Variants in BICDL1 observed in about 807,000 individuals in gnomAD.
BICDL1 encodes BICD family like cargo adaptor 1.
A neutral mutation model predicts 76.8 loss-of-function variants in BICDL1; 20 were observed. The ratio of observed to expected loss-of-function variants is 0.26; its 90% confidence interval spans 0.18 to 0.38. BICDL1 has a LOEUF of 0.38. BICDL1 is among the 10% of genes least tolerant of loss of function. The pLI is 1.00. For missense variants in BICDL1, 700 were observed against 798.6 expected, an observed-to-expected ratio of 0.88 and a Z score of 1.49; for synonymous variants, 383 against 337.1, an observed-to-expected ratio of 1.14 and a Z score of -1.49.
At chr12:119,993,621 T>G (rs1036987991) in intron 1 of BICDL1, among the ~76,000 whole-genome samples, 1 of 143,424 alleles carries the variant, frequency 7.0e-6, no homozygotes, top group African/African-American at 2.5e-5. Flanking sequence ...AGTTGTTTCT[T>G]TTTTTTTTTT....
chr12:120,080,512 G>A (rs557600484), intron 7 of BICDL1, among the ~76,000 whole-genome samples: 10 of 152,200 alleles, frequency 6.6e-5, no homozygotes, highest in Middle Eastern at 3.4e-3. Flanking sequence ...GAAAGGGAAC[G>A]GGATTCCCTA....
At chr12:120,031,196 C>A (rs1952414987) in intron 2 of BICDL1, among the ~76,000 whole-genome samples, 1 of 147,664 alleles carries the variant, frequency 6.8e-6, no homozygotes, top group Non-Finnish European at 1.5e-5. Context: ...TTATAATTAA[C>A]ATGTTCCTTT....
chr12:120,092,828 C>T (rs897834611), intron 9 of BICDL1, 172 bp from the exon 10 acceptor site: 1 of 985,458 alleles, frequency 1.0e-6, no homozygotes, highest in Non-Finnish European at 1.2e-6. Flanking sequence ...CTGCGTGCGC[C>T]TGGTGTCTTG....
chr12:120,060,090 T>C (rs76353928), intron 2 of BICDL1, among the ~76,000 whole-genome samples: 1 of 152,152 alleles, frequency 6.6e-6, no homozygotes, highest in Non-Finnish European at 1.5e-5. Flanking sequence ...GCCGATTTCC[T>C]TGTTAATTGG....
intron 9 of BICDL1, 64 bp downstream of exon 9, chr12:120,090,135 G>C (rs893388587): frequency 7.6e-6 from 12 of 1,581,368 alleles, no homozygotes; most frequent in Non-Finnish European, 1.0e-5. Context: ...AACCCAGGCA[G>C]AGTGTAAGGA....
chr12:120,056,217 A>C (rs1240157600), intron 2 of BICDL1, among the ~76,000 whole-genome samples: 2 of 152,200 alleles, frequency 1.3e-5, no homozygotes, highest in Non-Finnish European at 2.9e-5. Flanking sequence ...TACTCTGAAC[A>C]GTTGTAACTT....
At chr12:120,030,908 A>G (rs1442982835) in intron 2 of BICDL1, among the ~76,000 whole-genome samples, 1 of 152,196 alleles carries the variant, frequency 6.6e-6, no homozygotes, top group African/African-American at 2.4e-5. Context: ...TTTTGGCCTC[A>G]GAGGATCAGA....
rs200164365 is a variant in BICDL1, at chr12:120,069,145, AAG to A, written c.910-2468_910-2467del. 3.7e-3 allele frequency among the ~76,000 whole-genome samples: 559 copies of A among 152,312 alleles called. 3 individuals are homozygous for A. The highest frequency in any genetic ancestry group is 0.022 in the South Asian group (104 of 4,824). On this transcript the variant is annotated intron_variant, in intron 4 of 9. Transcript: ENST00000548673. ...AAATCTCTGAGATCATTTAAAAATC[AAG>A]AGAGAGAGGCTGGGAAAAGTCTAAA...
intron 2 of BICDL1, among the ~76,000 whole-genome samples, chr12:120,045,104 C>T (rs1263015119): frequency 3.3e-5 from 5 of 152,164 alleles, no homozygotes; most frequent in South Asian, 2.1e-4. Context: ...AAAAAGTGGG[C>T]GAAGGACATA....
intron 1 of BICDL1, among the ~76,000 whole-genome samples, chr12:119,993,619 CT>C (rs768811880): frequency 0.015 from 2,099 of 139,608 alleles, 11 homozygotes; most frequent in Non-Finnish European, 0.021. Context: ...AAAGTTGTTT[CT>C]TTTTTTTTTT....
At chr12:120,044,544 C>T (rs774429336) in intron 2 of BICDL1, among the ~76,000 whole-genome samples, 47 of 152,140 alleles carry the variant, frequency 3.1e-4, no homozygotes, top group Non-Finnish European at 5.1e-4. Flanking sequence ...CTGTTTATTA[C>T]GAAAAGGTTC....
Position 120,080,666 on chromosome 12 carries a change from C to T in BICDL1, c.1453-221C>T, listed in dbSNP as rs564294196. 6.2e-4 allele frequency: 259 copies of T among 417,700 alleles called. 2 individuals carry two copies. The highest frequency in any genetic ancestry group is 5.1e-3 in the African/African-American group (254 of 49,996). 25.9% of individuals were successfully genotyped at this position (417,700 alleles called of 1,614,324 possible). ...TGCAGGTCCAGAGCTAAATTCCCCC[C>T]AGCTCCCTTGCTGCCGAGCTCAAGC... On this transcript the variant is annotated intron_variant, in intron 7 of 9. Transcript: ENST00000548673.
At chr12:120,040,032 G>A (rs1224280533) in intron 2 of BICDL1, among the ~76,000 whole-genome samples, 1 of 152,136 alleles carries the variant, frequency 6.6e-6, no homozygotes, top group Admixed American at 6.6e-5. Context: ...CCACTGGGAT[G>A]TTACCAGACT....
At chr12:120,035,914 C>G (rs1952522519) in intron 2 of BICDL1, among the ~76,000 whole-genome samples, 1 of 152,080 alleles carries the variant, frequency 6.6e-6, no homozygotes, top group Admixed American at 6.6e-5. Context: ...ATAAATAATA[C>G]CATTTTGTTT....
In BICDL1 at chr12:120,072,518, T is replaced by C; in HGVS notation, c.1097T>C (p.Leu366Pro). 6.2e-7 allele frequency: 1 copy of C among 1,614,104 alleles called. No individual in the cohort carries two copies. The highest frequency in any genetic ancestry group is 8.5e-7 in the Non-Finnish European group (1 of 1,179,954). ...ELEQEREQLR[L>P]QLWEAYCQVR... Reference sequence around the variant, plus strand: ...TAATTCTCTGTGGAACAGCTGAGACTGCAGCTCTGGGAAGCCTACTGCCAG... The same window carrying C: ...TAATTCTCTGTGGAACAGCTGAGACCGCAGCTCTGGGAAGCCTACTGCCAG... Residue 366 changes from leucine to proline, a missense_variant, in exon 6 of 10, where the codon CTG becomes CCG. Around this residue, in one of 3 missense-constraint regions of BICDL1, gnomAD observed 455 missense variants for 548.7 expected, o/e 0.83. Coordinates refer to ENST00000548673, the MANE Select transcript of BICDL1 (RefSeq NM_001367886.1).
intron 2 of BICDL1, among the ~76,000 whole-genome samples, chr12:120,020,818 A>G (rs1952163779): frequency 6.6e-6 from 1 of 152,186 alleles, no homozygotes; most frequent in Non-Finnish European, 1.5e-5. Context: ...GGCATCATGA[A>G]TGGTGGGGAC....
Position 120,094,221 on chromosome 12 carries a change from C to A in BICDL1, c.*1060C>A. 1 of 456,504 alleles carries A rather than the reference C, an allele frequency of 2.2e-6. No individual in the cohort carries two copies. Among genetic ancestry groups the A allele is most frequent in the South Asian group, 1.5e-5 (1 of 64,558 alleles). 28.3% of individuals were successfully genotyped at this position (456,504 alleles called of 1,614,324 possible). A position where few individuals can be genotyped will look rare whatever the true frequency, so the allele number is the denominator to read the frequency against. On this transcript the variant is annotated 3_prime_UTR_variant, in exon 10 of 10. Coordinates refer to ENST00000548673, the MANE Select transcript of BICDL1 (RefSeq NM_001367886.1). ...CACCCAGGCCCCAACTCAGAGGCTC[C>A]GCGGCCCGGCCAGCCCTCAGCTGCT...
intron 6 of BICDL1, among the ~76,000 whole-genome samples, chr12:120,073,632 G>A (rs937883093): frequency 3.3e-5 from 5 of 152,072 alleles, no homozygotes; most frequent in Admixed American, 2.0e-4. Context: ...CTCCACTCAC[G>A]CTCCCAGCTT....
In BICDL1 at chr12:120,072,866, T is replaced by G. The variant is rs943331212; in HGVS notation, c.1308+137T>G. ...TGCAAGAATTCTTCTGAGCCCTTAT[T>G]GGTTGTTTTGGATTTTGTTTTTGAG... is the stretch of plus-strand genomic sequence containing the variant. On this transcript the variant is annotated intron_variant, in intron 6 of 9. Transcript: ENST00000548673. 10 of 769,574 alleles carry G rather than the reference T, an allele frequency of 1.3e-5. No homozygotes were observed. In the Admixed American group the frequency reaches 2.1e-4, roughly 16 times the overall value. The allele number at this position is 769,574 out of a possible 1,614,324, so 47.7% of individuals were successfully genotyped here.
Sources: gnomAD v4.1 joint callset for allele counts (sites outside exome capture counted in the v4.1 genomes callset) on GRCh38, gnomAD v4.1.1 for gene constraint, gnomAD v4.1.1 regional missense constraint, MANE v1.5 for transcripts, NCBI Gene and HGNC (gene_info 2026-07-23, HGNC 2026-07-21) for gene names.